The following HPSE2 variants were observed in gnomAD, a reference collection of about 807,000 sequenced individuals.
HPSE2 encodes the protein inactive heparanase-2.
Under a neutral mutation model 60.5 loss-of-function variants are expected in HPSE2, and 38 were observed. The observed-to-expected ratio is 0.63, with a 90% CI of 0.48 to 0.82. The LOEUF is 0.82. HPSE2 is among the 40% of genes least tolerant of loss of function. The pLI, the probability that HPSE2 is intolerant of heterozygous loss-of-function variation, is 0.00. For missense variants in HPSE2, 713 were observed against 740.4 expected, an observed-to-expected ratio of 0.96 and a Z score of 0.43; for synonymous variants, 295 against 293.2, an observed-to-expected ratio of 1.01 and a Z score of -0.06.
intron 9 of HPSE2, among the ~76,000 whole-genome samples, chr10:98,575,330 A>T (rs1944612898): frequency 6.6e-6 from 1 of 152,126 alleles, no homozygotes; most frequent in Non-Finnish European, 1.5e-5. Flanking sequence ...ACAGCACCAC[A>T]TGGCCGTGAT....
chr10:98,811,846 ATTG>A (rs1362955150), intron 3 of HPSE2, among the ~76,000 whole-genome samples: 14 of 152,074 alleles, frequency 9.2e-5, no homozygotes, highest in Admixed American at 2.6e-4. Context: ...TTCTTTTATC[ATTG>A]TTTTACAGTT....
intron 3 of HPSE2, among the ~76,000 whole-genome samples, chr10:98,873,878 A>G (rs1277691050): frequency 2.0e-5 from 3 of 151,480 alleles, no homozygotes; most frequent in African/African-American, 2.4e-5. Context: ...GACAGCATCT[A>G]TTCTTGACTT....
At chr10:99,313,553 G>T in the HPSE2 span, among the ~76,000 whole-genome samples, 1 of 141,386 alleles carries the variant, frequency 7.1e-6, no homozygotes, top group East Asian at 2.2e-4. Context: ...CATAAACTTA[G>T]TTATAAAGCA....
chr10:99,030,564 C>T (rs1333513983), intron 3 of HPSE2, among the ~76,000 whole-genome samples: 1 of 152,180 alleles, frequency 6.6e-6, no homozygotes, highest in Non-Finnish European at 1.5e-5. Context: ...AGTACAACCA[C>T]TAAGCAGAAC....
chr10:98,795,398 A>G (rs181975232), intron 3 of HPSE2, among the ~76,000 whole-genome samples: 4 of 152,316 alleles, frequency 2.6e-5, no homozygotes, highest in African/African-American at 4.8e-5. Context: ...GGGACTTTAC[A>G]TTGAACTCAG....
chr10:98,685,924 C>G (rs1265871231), intron 6 of HPSE2, among the ~76,000 whole-genome samples: 1 of 152,118 alleles, frequency 6.6e-6, no homozygotes, highest in Non-Finnish European at 1.5e-5. Context: ...TCTACTTTGT[C>G]AAATTTGTTG....
chr10:98,470,392 A>G (rs1364199569), intron 11 of HPSE2, among the ~76,000 whole-genome samples: 1 of 152,044 alleles, frequency 6.6e-6, no homozygotes, highest in Non-Finnish European at 1.5e-5. Context: ...CTGCACGGGT[A>G]TTGCTGGTGT....
At chr10:98,664,957 T>C (rs1231461681) in intron 6 of HPSE2, among the ~76,000 whole-genome samples, 2 of 152,110 alleles carry the variant, frequency 1.3e-5, no homozygotes, top group African/African-American at 2.4e-5. Context: ...CAGATTGAAA[T>C]GACTGAAATG....
intron 9 of HPSE2, among the ~76,000 whole-genome samples, chr10:98,539,341 G>C (rs1475218253): frequency 6.6e-6 from 1 of 152,090 alleles, no homozygotes; most frequent in Non-Finnish European, 1.5e-5. Context: ...AACCAACATG[G>C]AGAAACCCCG....
intron 6 of HPSE2, among the ~76,000 whole-genome samples, chr10:98,691,729 CA>C (rs2134164768): frequency 6.6e-6 from 1 of 152,300 alleles, no homozygotes; most frequent in East Asian, 1.9e-4. Flanking sequence ...GTGAGACAGA[CA>C]CAACTTTAAG....
chr10:98,792,050 A>G (rs973903761), intron 3 of HPSE2, among the ~76,000 whole-genome samples: 19 of 152,200 alleles, frequency 1.2e-4, no homozygotes, highest in Non-Finnish European at 1.9e-4. Flanking sequence ...GCGCATTATT[A>G]TCTCTGCTTT....
rs11189935 is a variant in HPSE2, at chr10:99,018,826, G to C, written c.610+125412C>G. On this transcript the variant is annotated intron_variant, in intron 3 of 11. Transcript: ENST00000370552. ...AGAGGTGATTTTTCAAAATCGACTC[G>C]AAGACACAGCTAATGCAAAATGACC... is the stretch of plus-strand genomic sequence containing the variant. 2.1e-3 allele frequency among the ~76,000 whole-genome samples: 326 copies of C among 152,212 alleles called. 1 individual carries two copies. The highest frequency in any genetic ancestry group is 3.6e-3 in the Non-Finnish European group (243 of 68,004).
chr10:98,520,787 A>G (rs1357886586), intron 9 of HPSE2, among the ~76,000 whole-genome samples: 1 of 152,188 alleles, frequency 6.6e-6, no homozygotes, highest in East Asian at 1.9e-4. Flanking sequence ...GTACCAAAAC[A>G]GATGTACAGA....
At chr10:98,739,820 T>C (rs1054482873) in intron 4 of HPSE2, among the ~76,000 whole-genome samples, 15 of 152,218 alleles carry the variant, frequency 9.9e-5, no homozygotes, top group African/African-American at 3.4e-4. Context: ...TAGTTCATAA[T>C]GTAGTTCAGT....
intron 3 of HPSE2, among the ~76,000 whole-genome samples, chr10:98,782,963 A>C (rs1157998577): frequency 1.1e-5 from 1 of 94,446 alleles, no homozygotes; most frequent in Admixed American, 1.2e-4. Context: ...ATTATACTCT[A>C]AGTTTTAGGG....
At chr10:98,975,786 T>A (rs1956070020) in intron 3 of HPSE2, among the ~76,000 whole-genome samples, 1 of 152,148 alleles carries the variant, frequency 6.6e-6, no homozygotes, top group South Asian at 2.1e-4. Context: ...TAGGTTAGGC[T>A]TTGGGCACTC....
intron 9 of HPSE2, among the ~76,000 whole-genome samples, chr10:98,532,884 G>A (rs1943174362): frequency 6.6e-6 from 1 of 152,076 alleles, no homozygotes; most frequent in South Asian, 2.1e-4. Flanking sequence ...TATTGCTTCT[G>A]GCCTTACTGA....
chr10:99,115,156 T>TG (rs1182575676), intron 3 of HPSE2, among the ~76,000 whole-genome samples: 3 of 32,378 alleles, frequency 9.3e-5, no homozygotes, highest in East Asian at 3.7e-3. Context: ...GCTAAATGTG[T>TG]TTTTTTTTTT....
chr10:98,672,576 G>A (rs571314570), intron 6 of HPSE2, among the ~76,000 whole-genome samples: 2 of 152,290 alleles, frequency 1.3e-5, no homozygotes, highest in South Asian at 2.1e-4. Flanking sequence ...TGGGAGATGG[G>A]ATAAGAGTGC....
Sources: gnomAD v4.1 joint callset for allele counts (sites outside exome capture counted in the v4.1 genomes callset) on GRCh38, gnomAD v4.1.1 for gene constraint, MANE v1.5 for transcripts, NCBI Gene and HGNC (gene_info 2026-07-23, HGNC 2026-07-21) for gene names.